NEK1: variants seen among roughly 807,000 people sequenced by gnomAD.
NEK1 encodes serine/threonine-protein kinase Nek1.
A neutral mutation model predicts 182.1 loss-of-function variants in NEK1; 137 were observed. The observed-to-expected ratio is 0.75, with a 90% CI of 0.65 to 0.87. NEK1 has a LOEUF of 0.87. NEK1 is among the 40% of genes least tolerant of loss of function. The pLI is 0.00. For synonymous variants in NEK1, 513 were observed against 492.2 expected, an observed-to-expected ratio of 1.04 and a Z score of -0.56; for missense variants, 1,391 against 1,494.4, an observed-to-expected ratio of 0.93 and a Z score of 1.14.
chr4:169,605,718 T>C (rs555611859), intron 2 of NEK1, among the ~76,000 whole-genome samples: 2 of 152,318 alleles, frequency 1.3e-5, no homozygotes, highest in Admixed American at 1.3e-4. Context: ...GTTTGCCTTT[T>C]CTACCATTCA....
At chr4:169,456,844 G>A (rs1054369230) in intron 27 of NEK1, among the ~76,000 whole-genome samples, 4 of 152,148 alleles carry the variant, frequency 2.6e-5, no homozygotes, top group Non-Finnish European at 5.9e-5. Context: ...TAAAGAAAAT[G>A]TGGGACATAT....
chr4:169,545,415 G>A (rs1760249600), intron 18 of NEK1, among the ~76,000 whole-genome samples: 1 of 151,214 alleles, frequency 6.6e-6, no homozygotes, highest in Non-Finnish European at 1.5e-5. Flanking sequence ...ATTCCATGGT[G>A]TATATATGCC....
intron 7 of NEK1, 68 bp from the exon 8 acceptor site, chr4:169,588,803 G>T: frequency 1.0e-6 from 1 of 990,160 alleles, no homozygotes; most frequent in South Asian, 1.4e-5. Context: ...TGTTGTTTTT[G>T]GTCTACAGCA....
At chr4:169,577,165 A>C (rs1765820889) in intron 11 of NEK1, 86 bp from the exon 12 acceptor site, 2 of 1,262,538 alleles carry the variant, frequency 1.6e-6, no homozygotes, top group Non-Finnish European at 1.1e-6. Context: ...GCACTGTTTA[A>C]TTTTCATAAT....
In NEK1 at chr4:169,530,429, T is replaced by G. The variant is rs546798087; in HGVS notation, c.1665+7380A>C. ...CACTTTCAGTACAGTATTCAATAAG[T>G]TATATGAGATATTGAACACTTTATT... is the stretch of plus-strand genomic sequence containing the variant. On this transcript the variant is annotated intron_variant, in intron 19 of 35. Transcript: ENST00000507142. Among the ~76,000 whole-genome samples the G allele has an allele frequency of 1.9e-3, 296 of 152,246 alleles. 1 individual carries two copies. The highest frequency in any genetic ancestry group is 0.01 in the Middle Eastern group (3 of 294).
intron 24 of NEK1, 146 bp from the exon 25 acceptor site, chr4:169,477,643 CTTCA>C (rs1225857566): frequency 1.3e-5 from 8 of 600,212 alleles, no homozygotes; most frequent in Middle Eastern, 4.5e-4. Context: ...ACAAAGCTTC[CTTCA>C]TTATCAGCAA....
intron 18 of NEK1, among the ~76,000 whole-genome samples, chr4:169,550,017 T>C (rs1761176973): frequency 6.6e-6 from 1 of 152,126 alleles, no homozygotes; most frequent in African/African-American, 2.4e-5. Flanking sequence ...TTATTCCTCA[T>C]AAAATTTTTC....
At chr4:169,514,284 G>A (rs535078792) in intron 19 of NEK1, among the ~76,000 whole-genome samples, 64 of 152,196 alleles carry the variant, frequency 4.2e-4, no homozygotes, top group African/African-American at 1.5e-3. Context: ...CACCGCACCC[G>A]GCAAGGATTT....
At chr4:169,587,182 T>C (rs950328312) in intron 9 of NEK1, among the ~76,000 whole-genome samples, 23 of 151,942 alleles carry the variant, frequency 1.5e-4, no homozygotes, top group Non-Finnish European at 3.1e-4. Flanking sequence ...ATGAAATTCT[T>C]TAAATTAGTT....
At chr4:169,462,939 A>T (rs1744235009) in intron 27 of NEK1, among the ~76,000 whole-genome samples, 1 of 151,966 alleles carries the variant, frequency 6.6e-6, no homozygotes, top group South Asian at 2.1e-4. Context: ...AACAGACACA[A>T]TTCATCTCAG....
At chr4:169,419,175 AAAG>A (rs1331538474) in intron 31 of NEK1, among the ~76,000 whole-genome samples, 2 of 152,164 alleles carry the variant, frequency 1.3e-5, no homozygotes, top group African/African-American at 4.8e-5. Context: ...GGAAACTGTA[AAAG>A]AAGCCAGAGA....
chr4:169,538,903 G>A (rs1275047351), intron 18 of NEK1, among the ~76,000 whole-genome samples: 2 of 151,978 alleles, frequency 1.3e-5, no homozygotes, highest in South Asian at 2.1e-4. Flanking sequence ...CTTTGGCAAC[G>A]ATTACTAACT....
In NEK1 at chr4:169,490,559, T is replaced by C. The variant is rs577865398; in HGVS notation, c.2008-11025A>G. 5.3e-5 allele frequency among the ~76,000 whole-genome samples: 8 copies of C among 152,040 alleles called. No homozygotes were observed. In the East Asian group the frequency reaches 1.2e-3, roughly 22 times the overall value. On this transcript the variant is annotated intron_variant, in intron 23 of 35. Transcript: ENST00000507142. ...GGAAACTCAGGGATATACAAGAGGA[T>C]AGACAATTCAATGAAATCAGCAAAA...
chr4:169,513,185 C>T (rs930942991), intron 19 of NEK1, among the ~76,000 whole-genome samples: 3 of 152,092 alleles, frequency 2.0e-5, no homozygotes, highest in Non-Finnish European at 4.4e-5. Flanking sequence ...ACAAGAATTG[C>T]CATTTTTACT....
intron 18 of NEK1, among the ~76,000 whole-genome samples, chr4:169,547,703 C>T (rs1389271403): frequency 2.0e-5 from 3 of 152,140 alleles, no homozygotes; most frequent in Non-Finnish European, 2.9e-5. Context: ...CTTGTCTTCT[C>T]GCTTTATTTC....
At chr4:169,401,604 A>G (rs1279100133) in intron 33 of NEK1, 48 bp downstream of exon 33, 1 of 1,537,062 alleles carries the variant, frequency 6.5e-7, no homozygotes, top group Non-Finnish European at 8.9e-7. Context: ...TCTACTTGAA[A>G]TATTTGTAAA....
chr4:169,492,407 G>T (rs997416974), intron 23 of NEK1, among the ~76,000 whole-genome samples: 3 of 152,202 alleles, frequency 2.0e-5, no homozygotes, highest in African/African-American at 7.2e-5. Context: ...GATAGCGACC[G>T]CTGAGGAACT....
chr4:169,428,351 G>GATATATATATATATATAAATAT (rs1736775832), intron 29 of NEK1, among the ~76,000 whole-genome samples: 1 of 93,224 alleles, frequency 1.1e-5, no homozygotes, highest in South Asian at 4.6e-4. Context: ...AAATATATGG[G>GATATATATATATATATAAATAT]ATATATATAT....
chr4:169,452,420 T>C (rs1396226058), intron 27 of NEK1, among the ~76,000 whole-genome samples: 1 of 152,160 alleles, frequency 6.6e-6, no homozygotes, highest in Non-Finnish European at 1.5e-5. Flanking sequence ...CTCAGTAAAA[T>C]ACTGGCAAAC....
Sources: gnomAD v4.1 joint callset for allele counts (sites outside exome capture counted in the v4.1 genomes callset) on GRCh38, gnomAD v4.1.1 for gene constraint, MANE v1.5 for transcripts, NCBI Gene and HGNC (gene_info 2026-07-23, HGNC 2026-07-21) for gene names.